The following ZMAT4 variants were observed in gnomAD, a reference collection of about 807,000 sequenced individuals.
The protein encoded by ZMAT4 is zinc finger matrin-type 4, also known as zinc finger matrin-type protein 4.
Under a neutral mutation model 28.7 loss-of-function variants are expected in ZMAT4, and 17 were observed. That is an observed-to-expected ratio of 0.59 (90% CI 0.41 to 0.89). The LOEUF (loss-of-function observed/expected upper bound fraction) is 0.89. Ranked by LOEUF, ZMAT4 falls within the 40% of genes least tolerant of loss-of-function variation. The probability of loss-of-function intolerance (pLI) is 0.00; values close to 1 mark genes in which losing one functional copy is unlikely to be tolerated. For missense variants in ZMAT4, 240 were observed against 283.8 expected (o/e 0.85, Z 1.11); for synonymous variants, 117 against 109.2 (o/e 1.07, Z -0.44).
chr8:40,851,750 C>T (rs1368766258), intron 1 of ZMAT4, among the ~76,000 whole-genome samples: 5 of 152,130 alleles, frequency 3.3e-5, no homozygotes, highest in Non-Finnish European at 2.9e-5. Context: ...TTAATGTCCT[C>T]CCTTATAGCT....
At chr8:40,693,919 C>A (rs1396390444) in intron 4 of ZMAT4, among the ~76,000 whole-genome samples, 1 of 152,140 alleles carries the variant, frequency 6.6e-6, no homozygotes, top group Non-Finnish European at 1.5e-5. Context: ...AAGTAGCTGG[C>A]AGAAGCAATG....
chr8:40,825,637 T>G lies in ZMAT4; in HGVS notation c.40A>C (p.Ser14Arg), dbSNP rs1816007373. ...SDIDQDLFTDSYCKVCSAQLI... is the reference protein window; with the variant it reads ...SDIDQDLFTDRYCKVCSAQLI... Reference sequence around the variant, plus strand: ...TGTGCACTGCACACCTTGCAGTAACTGTCTGTGAATAAATCCTGATCAATA... The same window carrying G: ...TGTGCACTGCACACCTTGCAGTAACGGTCTGTGAATAAATCCTGATCAATA... The change falls in exon 2 of 7, where the codon AGT becomes CGT. Residue 14 changes from serine (S) to arginine (R), a missense_variant. Physicochemically the swap from Ser to Arg is moderately radical, Grantham distance 110. Coordinates refer to ENST00000297737, the MANE Select transcript of ZMAT4 (RefSeq NM_024645.3). 1.3e-6 allele frequency: 2 copies of G among 1,555,638 alleles called. No homozygotes were observed. Among genetic ancestry groups the G allele is most frequent in the Non-Finnish European group, 1.7e-6 (2 of 1,148,492 alleles).
chr8:40,830,026 G>A (rs867870329), intron 1 of ZMAT4, among the ~76,000 whole-genome samples: 9 of 152,132 alleles, frequency 5.9e-5, no homozygotes, highest in Admixed American at 2.6e-4. Context: ...GTCCCGAAAT[G>A]TTTCTTAAGG....
chr8:40,718,506 AT>A (rs56787870), intron 3 of ZMAT4, among the ~76,000 whole-genome samples: 89,461 of 151,846 alleles, frequency 0.59, 26,778 homozygotes, highest in African/African-American at 0.68. Context: ...TGCAATTATG[AT>A]TTTTTTTTAA....
intron 1 of ZMAT4, among the ~76,000 whole-genome samples, chr8:40,834,992 C>T (rs997363605): frequency 3.3e-5 from 5 of 152,206 alleles, no homozygotes; most frequent in Admixed American, 6.5e-5. Context: ...CTGATGGGTC[C>T]GGGCAGCATG....
intron 5 of ZMAT4, among the ~76,000 whole-genome samples, chr8:40,594,453 T>C (rs978398048): frequency 2.6e-5 from 4 of 152,192 alleles, no homozygotes; most frequent in African/African-American, 9.7e-5. Context: ...TACAGATCAT[T>C]TTCATTGAGA....
chr8:40,692,359 C>T (rs1190494054), intron 4 of ZMAT4, among the ~76,000 whole-genome samples: 1 of 152,166 alleles, frequency 6.6e-6, no homozygotes, highest in Non-Finnish European at 1.5e-5. Flanking sequence ...TGAAAGATTG[C>T]ACTCATATCC....
intron 1 of ZMAT4, among the ~76,000 whole-genome samples, chr8:40,895,215 G>C (rs943563864): frequency 6.6e-6 from 1 of 152,206 alleles, no homozygotes; most frequent in Admixed American, 6.5e-5. Flanking sequence ...TCTGTGGATA[G>C]TGCTTATCCA....
At chr8:40,534,677 CTTTTTTTTT>C (rs34915339) in intron 6 of ZMAT4, among the ~76,000 whole-genome samples, 180 of 87,394 alleles carry the variant, frequency 2.1e-3, no homozygotes, top group Middle Eastern at 0.014. Flanking sequence ...CATTTGCTAC[CTTTTTTTTT>C]TTTTTTTTTT....
At chr8:40,743,599 C>T (rs1033162300) in intron 3 of ZMAT4, among the ~76,000 whole-genome samples, 1 of 152,248 alleles carries the variant, frequency 6.6e-6, no homozygotes, top group Non-Finnish European at 1.5e-5. Flanking sequence ...AGGAGGACCA[C>T]AGCGGACTAA....
intron 2 of ZMAT4, among the ~76,000 whole-genome samples, chr8:40,771,483 C>A (rs980562843): frequency 2.6e-5 from 4 of 152,102 alleles, no homozygotes; most frequent in Admixed American, 1.3e-4. Context: ...ATTGTGTATA[C>A]TTTTTACCCA....
intron 2 of ZMAT4, among the ~76,000 whole-genome samples, chr8:40,818,111 G>A (rs150917398): frequency 7.2e-4 from 110 of 152,262 alleles, no homozygotes; most frequent in African/African-American, 2.6e-3. Flanking sequence ...TTAGCCGTGT[G>A]CATATTGCCT....
chr8:40,854,909 T>G (rs1366325983), intron 1 of ZMAT4, among the ~76,000 whole-genome samples: 1 of 152,136 alleles, frequency 6.6e-6, no homozygotes, highest in Non-Finnish European at 1.5e-5. Context: ...CTCAATTTTT[T>G]AAAGGGCTAA....
intron 3 of ZMAT4, among the ~76,000 whole-genome samples, chr8:40,749,013 T>C (rs1246646925): frequency 2.6e-5 from 4 of 152,314 alleles, no homozygotes; most frequent in South Asian, 4.1e-4. Flanking sequence ...CTGATGCTTT[T>C]ATAAGGGGTA....
chr8:40,804,105 A>G (rs1814973945), intron 2 of ZMAT4, among the ~76,000 whole-genome samples: 1 of 152,236 alleles, frequency 6.6e-6, no homozygotes, highest in African/African-American at 2.4e-5. Flanking sequence ...CAGACAGAAC[A>G]CAATGGATTC....
intron 3 of ZMAT4, among the ~76,000 whole-genome samples, chr8:40,711,496 C>A (rs895483936): frequency 2.0e-5 from 3 of 152,162 alleles, no homozygotes; most frequent in African/African-American, 7.2e-5. Flanking sequence ...AACCATCTGC[C>A]AATTTTCAGA....
At chr8:40,868,754 C>T (rs1817756937) in intron 1 of ZMAT4, among the ~76,000 whole-genome samples, 1 of 152,196 alleles carries the variant, frequency 6.6e-6, no homozygotes, top group African/African-American at 2.4e-5. Context: ...CCTTAACAGG[C>T]TTTTGAGAAG....
At chr8:40,683,935 C>T (rs1389013975) in intron 4 of ZMAT4, among the ~76,000 whole-genome samples, 4 of 151,954 alleles carry the variant, frequency 2.6e-5, no homozygotes, top group East Asian at 3.9e-4. Context: ...CATGGTGGCA[C>T]GCGCCTGTAG....
chr8:40,535,080 A>G (rs1802805480), intron 6 of ZMAT4, among the ~76,000 whole-genome samples: 1 of 152,110 alleles, frequency 6.6e-6, no homozygotes, highest in African/African-American at 2.4e-5. Flanking sequence ...GGCAATTTGG[A>G]ATGGGTACCT....
Sources: allele counts gnomAD v4.1 joint callset (sites outside exome capture counted in the v4.1 genomes callset), GRCh38; gene constraint gnomAD v4.1.1; transcripts MANE v1.5; gene names NCBI Gene and HGNC (gene_info 2026-07-23, HGNC 2026-07-21).